ARHGAP42: variants seen among roughly 807,000 people sequenced by gnomAD.
ARHGAP42 encodes the protein Rho GTPase activating protein 42, also known as rho GTPase-activating protein 42.
ARHGAP42 carries 63 observed loss-of-function variants against 125.0 expected under a neutral mutation model. That is an observed-to-expected ratio of 0.50 (90% CI 0.41 to 0.62). The LOEUF is 0.62. ARHGAP42 is among the 20% of genes least tolerant of loss of function. ARHGAP42 has a pLI of 0.00. For missense variants in ARHGAP42, 766 were observed against 1,024.2 expected (o/e 0.75, Z 3.44); for synonymous variants, 339 against 351.0 (o/e 0.97, Z 0.38).
At chr11:100,811,339 T>G (rs1163214301) in intron 3 of ARHGAP42, among the ~76,000 whole-genome samples, 1 of 152,176 alleles carries the variant, frequency 6.6e-6, no homozygotes, top group African/African-American at 2.4e-5. Context: ...TAATGAAAAT[T>G]GTTGCTTTGT....
intron 1 of ARHGAP42, among the ~76,000 whole-genome samples, chr11:100,766,751 C>T (rs1591163890): frequency 6.6e-6 from 1 of 152,058 alleles, no homozygotes. Flanking sequence ...TTGACCTCAT[C>T]ATTACTTCGG....
intron 3 of ARHGAP42, among the ~76,000 whole-genome samples, chr11:100,842,894 G>T (rs544222476): frequency 6.6e-6 from 1 of 151,712 alleles, no homozygotes; most frequent in South Asian, 2.1e-4. Context: ...GACAATCTAA[G>T]ATCACACCTC....
At chr11:100,959,296 T>C (rs1263404148) in intron 12 of ARHGAP42, among the ~76,000 whole-genome samples, 1 of 152,030 alleles carries the variant, frequency 6.6e-6, no homozygotes, top group Admixed American at 6.6e-5. Context: ...CTAGGACCTT[T>C]TGGGGATGTT....
At chr11:100,893,679 A>C (rs963321836) in intron 4 of ARHGAP42, among the ~76,000 whole-genome samples, 1 of 152,278 alleles carries the variant, frequency 6.6e-6, no homozygotes, top group Non-Finnish European at 1.5e-5. Context: ...TCGGTGTATT[A>C]AGAGTTGGAA....
At chr11:100,719,847 G>T (rs550509140) in intron 1 of ARHGAP42, among the ~76,000 whole-genome samples, 5 of 152,316 alleles carry the variant, frequency 3.3e-5, no homozygotes, top group African/African-American at 1.2e-4. Context: ...TGCTTGAAAA[G>T]AGAGAAGAAG....
chr11:100,770,341 A>G lies in ARHGAP42; in HGVS notation c.155-2A>G. ...GATTTTTTGCTTAACTTTTACTTGCAGATCTGTCTATGGCAGTGCAGAAAT... is the reference window on the plus strand; with the variant it reads ...GATTTTTTGCTTAACTTTTACTTGCGGATCTGTCTATGGCAGTGCAGAAAT... On this transcript the variant is annotated splice_acceptor_variant, in intron 1 of 23. Coordinates refer to ENST00000298815, the MANE Select transcript of ARHGAP42 (RefSeq NM_152432.4). LOFTEE classifies it high-confidence loss of function. 6.5e-7 allele frequency: 1 copy of G among 1,538,286 alleles called. No individual in the cohort carries two copies. The highest frequency in any genetic ancestry group is 8.8e-7 in the Non-Finnish European group (1 of 1,141,608).
intron 3 of ARHGAP42, among the ~76,000 whole-genome samples, chr11:100,819,976 C>A (rs1457647270): frequency 1.3e-5 from 2 of 152,066 alleles, no homozygotes; most frequent in Non-Finnish European, 2.9e-5. Flanking sequence ...TTGGAAATTT[C>A]TATGATTTCT....
intron 22 of ARHGAP42, among the ~76,000 whole-genome samples, chr11:100,981,011 A>G (rs1221234988): frequency 6.6e-6 from 1 of 152,188 alleles, no homozygotes; most frequent in Non-Finnish European, 1.5e-5. Context: ...GATTTGTGTG[A>G]CAACTTTTCA....
intron 1 of ARHGAP42, among the ~76,000 whole-genome samples, chr11:100,733,093 A>C (rs2120312448): frequency 6.6e-6 from 1 of 152,338 alleles, no homozygotes; most frequent in African/African-American, 2.4e-5. Context: ...CTTTATGCAA[A>C]GCAAATATAA....
chr11:100,802,139 T>C (rs1863869219), intron 3 of ARHGAP42, among the ~76,000 whole-genome samples: 1 of 152,216 alleles, frequency 6.6e-6, no homozygotes, highest in Non-Finnish European at 1.5e-5. Flanking sequence ...TGTACCACCA[T>C]AGAAACCAGT....
At chr11:100,930,452 G>T (rs1051618904) in intron 6 of ARHGAP42, among the ~76,000 whole-genome samples, 2 of 152,152 alleles carry the variant, frequency 1.3e-5, no homozygotes, top group South Asian at 2.1e-4. Context: ...AAAAGGAAAA[G>T]GTGTATGATT....
chr11:100,820,786 TA>T (rs1330997174), intron 3 of ARHGAP42, among the ~76,000 whole-genome samples: 1 of 152,156 alleles, frequency 6.6e-6, no homozygotes, highest in Admixed American at 6.5e-5. Flanking sequence ...AATGTATTGT[TA>T]GTTACACTTT....
At chr11:100,761,814 T>G (rs1364279836) in intron 1 of ARHGAP42, among the ~76,000 whole-genome samples, 3 of 152,268 alleles carry the variant, frequency 2.0e-5, no homozygotes, top group Non-Finnish European at 2.9e-5. Context: ...AGTTAACATT[T>G]GTTGAGAATC....
At chr11:100,765,229 T>C (rs1303693246) in intron 1 of ARHGAP42, among the ~76,000 whole-genome samples, 2 of 152,212 alleles carry the variant, frequency 1.3e-5, no homozygotes, top group Non-Finnish European at 2.9e-5. Context: ...TTAGCCTTGC[T>C]GATGCATTGT....
chr11:100,813,242 G>T (rs1591202611), intron 3 of ARHGAP42, among the ~76,000 whole-genome samples: 1 of 152,140 alleles, frequency 6.6e-6, no homozygotes, highest in Non-Finnish European at 1.5e-5. Flanking sequence ...GTGCATTGTA[G>T]GATGTTTAGC....
rs538521896 is a variant in ARHGAP42 at position 100,688,060 on chromosome 11, A to G, written c.154+228A>G. On this transcript the variant is annotated intron_variant, in intron 1 of 23. Transcript: ENST00000298815. ...AAAGTTCTCTACAGGGCACTGGAAT[A>G]TATCCTGAGGAAAGTCGTTCAAAGT... The G allele has an allele frequency of 7.8e-5, 28 of 359,354 alleles. 1 individual carries two copies. The highest frequency in any genetic ancestry group is 1.3e-4 in the Non-Finnish European group (27 of 202,232). 22.3% of individuals were successfully genotyped at this position (359,354 alleles called of 1,614,324 possible). A position where few individuals can be genotyped will look rare whatever the true frequency, so the allele number is the denominator to read the frequency against.
chr11:100,687,330 C>T lies in ARHGAP42; in HGVS notation c.-349C>T, dbSNP rs752885706. Among the ~76,000 whole-genome samples the T allele has an allele frequency of 1.3e-5, 2 of 152,050 alleles. No homozygotes were observed. Among genetic ancestry groups the T allele is most frequent in the South Asian group, 4.1e-4 (2 of 4,834 alleles). ...CAAGAGAGTTGGGGAGTGGAACTGC[C>T]GGAAGTGTCTGCGCGCCGTGAGAGA... On this transcript the variant is annotated 5_prime_UTR_variant, in exon 1 of 24. Transcript: ENST00000298815.
At chr11:100,775,738 G>C (rs1471421685) in intron 2 of ARHGAP42, among the ~76,000 whole-genome samples, 1 of 152,112 alleles carries the variant, frequency 6.6e-6, no homozygotes, top group Non-Finnish European at 1.5e-5. Context: ...CATCACTTGA[G>C]AATTTTTAAC....
intron 3 of ARHGAP42, among the ~76,000 whole-genome samples, chr11:100,824,080 T>G (rs1404768684): frequency 6.6e-6 from 1 of 152,216 alleles, no homozygotes; most frequent in Non-Finnish European, 1.5e-5. Context: ...TAGATTATAA[T>G]TAAGACAGTG....
Sources: gnomAD v4.1 joint callset for allele counts (sites outside exome capture counted in the v4.1 genomes callset) on GRCh38, gnomAD v4.1.1 for gene constraint, MANE v1.5 for transcripts, NCBI Gene and HGNC (gene_info 2026-07-23, HGNC 2026-07-21) for gene names.